TMED8: variants seen among roughly 807,000 people sequenced by gnomAD.
TMED8 encodes transmembrane p24 trafficking protein family member 8.
TMED8 carries 15 observed loss-of-function variants against 32.7 expected under a neutral mutation model. The observed-to-expected ratio is 0.46, with a 90% CI of 0.31 to 0.71. The LOEUF is 0.71. TMED8 is among the 30% of genes least tolerant of loss of function. TMED8 has a pLI of 0.06. For synonymous variants in TMED8, 147 were observed against 161.4 expected, an observed-to-expected ratio of 0.91 and a Z score of 0.68; for missense variants, 390 against 423.9, an observed-to-expected ratio of 0.92 and a Z score of 0.70.
intron 5 of TMED8, among the ~76,000 whole-genome samples, chr14:77,342,311 A>G (rs1001248750): frequency 1.3e-5 from 2 of 152,208 alleles, no homozygotes; most frequent in Non-Finnish European, 2.9e-5. Flanking sequence ...GTGTCTGGAC[A>G]TTTCTGAGAG....
At chr14:77,367,659 C>G (rs963770319) in intron 1 of TMED8, among the ~76,000 whole-genome samples, 1 of 151,870 alleles carries the variant, frequency 6.6e-6, no homozygotes, top group Non-Finnish European at 1.5e-5. Flanking sequence ...AAAAAATGCA[C>G]CCATGTAATT....
rs1262793141 is a variant in TMED8, at chr14:77,376,279, G to A, written c.118+657C>T. ...AGGGTCTTGAGAATGAGGGAGGTAG[G>A]CCAAATTTTTAATTCCTGCTCTTGC... On this transcript the variant is annotated intron_variant, in intron 1 of 5. Coordinates refer to ENST00000216468, the MANE Select transcript of TMED8 (RefSeq NM_213601.3). The surrounding 1 kb of genome is among the most constrained non-coding windows in gnomAD (Gnocchi z 4.0). Among the ~76,000 whole-genome samples the A allele has an allele frequency of 3.3e-5, 5 of 152,190 alleles. No homozygotes were observed. The highest frequency in any genetic ancestry group is 7.3e-5 in the Non-Finnish European group (5 of 68,036).
intron 1 of TMED8, among the ~76,000 whole-genome samples, chr14:77,359,227 C>T (rs1359036455): frequency 6.6e-6 from 1 of 152,210 alleles, no homozygotes; most frequent in Non-Finnish European, 1.5e-5. Flanking sequence ...GTTTTTATCA[C>T]TTAACAACAC....
At chr14:77,352,718 G>A (rs1349200771) in intron 1 of TMED8, among the ~76,000 whole-genome samples, 2 of 152,166 alleles carry the variant, frequency 1.3e-5, no homozygotes, top group African/African-American at 4.8e-5. Context: ...CAGCCTGGGC[G>A]ACAGAGCGAG....
chr14:77,343,308 G>C lies in TMED8; in HGVS notation c.630C>G (p.Thr210=). 3.1e-6 allele frequency: 5 copies of C among 1,614,164 alleles called. No homozygotes were observed. Among genetic ancestry groups the C allele is most frequent in the Non-Finnish European group, 4.2e-6 (5 of 1,180,030 alleles). ...EGKRVCWEFA[T]DDYDIGFGVY... Reference sequence around the variant, plus strand: ...CTCCAAAGCCAATGTCATAGTCATCGGTCGCAAACTCCCAGCAGACACGCT... The same window carrying C: ...CTCCAAAGCCAATGTCATAGTCATCCGTCGCAAACTCCCAGCAGACACGCT... The change falls in exon 5 of 6, where the codon ACC becomes ACG. Residue 210 remains threonine (T), a synonymous_variant. Coordinates refer to ENST00000216468, the MANE Select transcript of TMED8 (RefSeq NM_213601.3).
chr14:77,350,253 T>G (rs190291882), intron 2 of TMED8, among the ~76,000 whole-genome samples: 3 of 152,216 alleles, frequency 2.0e-5, no homozygotes, highest in African/African-American at 7.2e-5. Context: ...CAACTTACAG[T>G]TGACGGCAAC....
chr14:77,365,925 G>A (rs773609271), intron 1 of TMED8, among the ~76,000 whole-genome samples: 48 of 152,276 alleles, frequency 3.2e-4, no homozygotes, highest in Non-Finnish European at 6.9e-4. Flanking sequence ...CCATGAGAGA[G>A]AGAAAGGACC....
chr14:77,357,943 G>A (rs1419309870), intron 1 of TMED8, among the ~76,000 whole-genome samples: 1 of 151,882 alleles, frequency 6.6e-6, no homozygotes. Flanking sequence ...GGCCAACATG[G>A]TGAAACCCCA....
chr14:77,337,832 G>A lies in TMED8; in HGVS notation c.*3939C>T, dbSNP rs534800277. 1.3e-5 allele frequency: 2 copies of A among 152,324 alleles called. No individual in the cohort carries two copies. The highest frequency in any genetic ancestry group is 4.1e-4 in the South Asian group (2 of 4,824). The allele number at this position is 152,324 out of a possible 1,614,324, so 9.4% of individuals were successfully genotyped here. A position where few individuals can be genotyped will look rare whatever the true frequency, so the allele number is the denominator to read the frequency against. ...TCTCTAATTGGACACTTGTCAAAAG[G>A]AACAGAATGTTAGAATCATCTTTGC... is the stretch of plus-strand genomic sequence containing the variant. On this transcript the variant is annotated 3_prime_UTR_variant, in exon 6 of 6. Transcript: ENST00000216468.
At position 77,339,382 on chromosome 14, in the gene TMED8, A is replaced by G. The variant is rs1226051415; in HGVS notation, c.*2389T>C. 6.6e-6 allele frequency: 1 copy of G among 152,232 alleles called. No homozygotes were observed. Among genetic ancestry groups the G allele is most frequent in the Non-Finnish European group, 1.5e-5 (1 of 68,046 alleles). The allele number at this position is 152,232 out of a possible 1,614,324, so 9.4% of individuals were successfully genotyped here. A position where few individuals can be genotyped will look rare whatever the true frequency, so the allele number is the denominator to read the frequency against. On this transcript the variant is annotated 3_prime_UTR_variant, in exon 6 of 6. Transcript: ENST00000216468. ...CAAGTCCCTTAGGCTTCCCTGATGC[A>G]ACAGAACTAGGATTCCAAAGAAAAT...
intron 5 of TMED8, among the ~76,000 whole-genome samples, chr14:77,342,637 T>C (rs535754642): frequency 6.6e-6 from 1 of 152,330 alleles, no homozygotes; most frequent in South Asian, 2.1e-4. Context: ...TGGGCCATCC[T>C]TTGTGTAGTG....
Position 77,376,374 on chromosome 14 carries a change from C to T in TMED8, c.118+562G>A, listed in dbSNP as rs1185966903. On this transcript the variant is annotated intron_variant, in intron 1 of 5. Transcript: ENST00000216468. This position sits in a 1 kb window ranked among gnomAD's most constrained non-coding sequence, Gnocchi z 4.0. ...TCAACTCTGCTTTTCATTTTTCCCA[C>T]TCTAAGCGATGGAGAGGATGGCAGC... 6.6e-6 allele frequency among the ~76,000 whole-genome samples: 1 copy of T among 152,246 alleles called. No individual in the cohort carries two copies. Among genetic ancestry groups the T allele is most frequent in the Non-Finnish European group, 1.5e-5 (1 of 68,050 alleles).
chr14:77,347,594 G>GTTTCTCCA (rs1354584083), intron 2 of TMED8, among the ~76,000 whole-genome samples: 1 of 152,180 alleles, frequency 6.6e-6, no homozygotes, highest in Non-Finnish European at 1.5e-5. Flanking sequence ...TAGAGACAGT[G>GTTTCTCCA]TTTCTCCATG....
intron 4 of TMED8, 90 bp from the exon 5 acceptor site, chr14:77,343,573 A>G (rs2139602991): frequency 6.3e-7 from 1 of 1,578,842 alleles, no homozygotes; most frequent in South Asian, 1.2e-5. Context: ...ACAGTCAGAC[A>G]TTCTTTCTAC....
intron 2 of TMED8, among the ~76,000 whole-genome samples, chr14:77,351,328 A>C (rs1013819278): frequency 6.6e-6 from 1 of 151,780 alleles, no homozygotes; most frequent in African/African-American, 2.4e-5. Flanking sequence ...CTACTAAAAA[A>C]TACAAAAATT....
chr14:77,366,834 G>A lies in TMED8; in HGVS notation c.118+10102C>T, dbSNP rs76294733. 3.4e-3 allele frequency among the ~76,000 whole-genome samples: 517 copies of A among 152,160 alleles called. 3 individuals are homozygous for A. The highest frequency in any genetic ancestry group is 0.012 in the African/African-American group (497 of 41,524). ...TCTATAGTTTAAGAAATTGAAGCTC[G>A]GAGAAATCATGATGCCCAAGATGAC... On this transcript the variant is annotated intron_variant, in intron 1 of 5. Transcript: ENST00000216468.
chr14:77,353,697 G>A (rs1236290244), intron 1 of TMED8, among the ~76,000 whole-genome samples: 1 of 151,734 alleles, frequency 6.6e-6, no homozygotes, highest in African/African-American at 2.4e-5. Context: ...CTGGGCTCAA[G>A]TGATCCTCCC....
At chr14:77,363,962 A>G (rs1253274307) in intron 1 of TMED8, among the ~76,000 whole-genome samples, 1 of 152,154 alleles carries the variant, frequency 6.6e-6, no homozygotes, top group Non-Finnish European at 1.5e-5. Context: ...TATTTTTGCT[A>G]GTGTATCTTT....
rs766434487 is a variant in TMED8, at chr14:77,343,223, T to C, written c.715A>G (p.Ser239Gly). The C allele has an allele frequency of 3.7e-6, 6 of 1,614,196 alleles. No homozygotes were observed. The highest frequency in any genetic ancestry group is 5.1e-6 in the Non-Finnish European group (6 of 1,180,028). Residue 239 changes from serine (S) to glycine (G), a missense_variant, in exon 5 of 6, where the codon AGT becomes GGT. Ser to Gly is a moderately conservative substitution (Grantham distance 56, BLOSUM62 0). Coordinates refer to ENST00000216468, the MANE Select transcript of TMED8 (RefSeq NM_213601.3). ...TCCTCTTCTTCATCCTCATCGTCAC[T>C]GGAATCACTGACCTGCACAGTTATG... Reference protein sequence around the residue: ...TDITVQVSDSSDDEDEEEEEE... With the variant: ...TDITVQVSDSGDDEDEEEEEE...
Sources: gnomAD v4.1 joint callset for allele counts (sites outside exome capture counted in the v4.1 genomes callset) on GRCh38, gnomAD v4.1.1 for gene constraint, Gnocchi (gnomAD v3.1) non-coding constraint, MANE v1.5 for transcripts, NCBI Gene and HGNC (gene_info 2026-07-23, HGNC 2026-07-21) for gene names.